The following ORC5 variants were observed in gnomAD, a reference collection of about 807,000 sequenced individuals.
The protein encoded by ORC5 is origin recognition complex subunit 5.
A neutral mutation model predicts 58.8 loss-of-function variants in ORC5; 39 were observed. That is an observed-to-expected ratio of 0.66 (90% CI 0.51 to 0.87). The LOEUF is 0.87. ORC5 is among the 40% of genes least tolerant of loss of function. The pLI, the probability that ORC5 is intolerant of heterozygous loss-of-function variation, is 0.00. For synonymous variants in ORC5, 218 were observed against 177.6 expected, an observed-to-expected ratio of 1.23 and a Z score of -1.81; for missense variants, 493 against 506.3, an observed-to-expected ratio of 0.97 and a Z score of 0.25.
chr7:104,132,491 C>T (rs939890716), intron 13 of ORC5, among the ~76,000 whole-genome samples: 1 of 152,092 alleles, frequency 6.6e-6, no homozygotes, highest in African/African-American at 2.4e-5. Context: ...GGTAACTATC[C>T]TTGGGACTTC....
chr7:104,187,715 T>C lies in ORC5; in HGVS notation c.684+536A>G, dbSNP rs1461701373. 6 of 939,756 alleles carry C rather than the reference T, an allele frequency of 6.4e-6. 1 individual carries two copies. In the African/African-American group the frequency reaches 8.9e-5, roughly 14 times the overall value. 58.2% of individuals were successfully genotyped at this position (939,756 alleles called of 1,614,324 possible). Reference sequence around the variant, plus strand: ...TATGAAATATAAACAGCTATTCTAATTGTTAAAAAAAAAAAATTAAAAAGA... The same window carrying C: ...TATGAAATATAAACAGCTATTCTAACTGTTAAAAAAAAAAAATTAAAAAGA... On this transcript the variant is annotated intron_variant, in intron 6 of 13. Coordinates refer to ENST00000297431, the MANE Select transcript of ORC5 (RefSeq NM_002553.4).
chr7:104,154,693 G>C (rs1371651701), intron 12 of ORC5, among the ~76,000 whole-genome samples: 1 of 150,592 alleles, frequency 6.6e-6, no homozygotes, highest in Non-Finnish European at 1.5e-5. Context: ...TTCCAACCAT[G>C]GAAAAAAAAT....
intron 8 of ORC5, among the ~76,000 whole-genome samples, chr7:104,181,777 G>A (rs1346396402): frequency 1.4e-5 from 2 of 144,018 alleles, no homozygotes; most frequent in African/African-American, 5.2e-5. Flanking sequence ...GGGCGACAGA[G>A]CGAGACTCCG....
chr7:104,151,415 G>C (rs1407411949), intron 12 of ORC5, among the ~76,000 whole-genome samples: 1 of 152,126 alleles, frequency 6.6e-6, no homozygotes, highest in Non-Finnish European at 1.5e-5. Context: ...TTGTATTTAG[G>C]AAAAATAGAC....
chr7:104,194,585 T>C (rs747338283), intron 5 of ORC5, among the ~76,000 whole-genome samples: 1 of 151,976 alleles, frequency 6.6e-6, no homozygotes, highest in Non-Finnish European at 1.5e-5. Context: ...GGGCTGGTAA[T>C]TGGTACTGTA....
Position 104,188,195 on chromosome 7 carries a change from T to TACACACACACACACAC in ORC5, c.684+40_684+55dup, listed in dbSNP as rs34643155. ...AAATACATATATACACATATATGTA[T>TACACACACACACACAC]ACACACACACACACACACACACATA... is the stretch of plus-strand genomic sequence containing the variant. On this transcript the variant is annotated intron_variant, in intron 6 of 13. Transcript: ENST00000297431. The TACACACACACACACAC allele has an allele frequency of 1.1e-4, 116 of 1,017,340 alleles. 1 individual carries two copies. The African/African-American group carries it at 1.9e-3, about 17-fold the overall frequency. The allele number at this position is 1,017,340 out of a possible 1,614,324, so 63.0% of individuals were successfully genotyped here. A position where few individuals can be genotyped will look rare whatever the true frequency, so the allele number is the denominator to read the frequency against.
intron 5 of ORC5, among the ~76,000 whole-genome samples, chr7:104,192,721 G>A (rs1799702909): frequency 6.6e-6 from 1 of 151,666 alleles, no homozygotes; most frequent in Non-Finnish European, 1.5e-5. Context: ...AACAAAAGAG[G>A]TAACTGAATT....
chr7:104,140,854 T>C (rs1478958711), intron 12 of ORC5, among the ~76,000 whole-genome samples: 1 of 152,216 alleles, frequency 6.6e-6, no homozygotes, highest in African/African-American at 2.4e-5. Flanking sequence ...TTTTGCCTTT[T>C]AGCCTGCAAA....
chr7:104,130,060 T>C (rs144282394), intron 13 of ORC5, among the ~76,000 whole-genome samples: 1 of 152,082 alleles, frequency 6.6e-6, no homozygotes, highest in Non-Finnish European at 1.5e-5. Context: ...GAGATTTTTT[T>C]AATTTTTTTT....
rs373090561 is a variant in ORC5, at chr7:104,154,159, C to T, written c.1149+6913G>A. ...CAGACTGTATATACTAGGCCATATA[C>T]AATATACTGATTACTTCTCCATAAC... is the stretch of plus-strand genomic sequence containing the variant. On this transcript the variant is annotated intron_variant, in intron 12 of 13. Transcript: ENST00000297431. Among the ~76,000 whole-genome samples, 19 of 152,128 alleles carry T rather than the reference C, an allele frequency of 1.2e-4. No individual in the cohort carries two copies. The East Asian group carries it at 2.9e-3, about 23-fold the overall frequency.
intron 8 of ORC5, among the ~76,000 whole-genome samples, chr7:104,179,179 G>C (rs988007216): frequency 6.7e-6 from 1 of 148,626 alleles, no homozygotes; most frequent in African/African-American, 2.5e-5. Flanking sequence ...GAACTCCCAT[G>C]CTCAAGCAAT....
At chr7:104,191,159 T>C (rs1196827473) in intron 5 of ORC5, among the ~76,000 whole-genome samples, 1 of 147,982 alleles carries the variant, frequency 6.8e-6, no homozygotes, top group African/African-American at 2.5e-5. Flanking sequence ...GTAGAGTCCA[T>C]GTACTTTTAC....
chr7:104,157,333 T>C (rs1798943082), intron 12 of ORC5, among the ~76,000 whole-genome samples: 1 of 152,044 alleles, frequency 6.6e-6, no homozygotes, highest in Non-Finnish European at 1.5e-5. Flanking sequence ...ACCCTTTGTA[T>C]ACCCAATGAG....
chr7:104,155,335 T>G (rs1271505639), intron 12 of ORC5, among the ~76,000 whole-genome samples: 4 of 151,696 alleles, frequency 2.6e-5, no homozygotes, highest in Admixed American at 1.3e-4. Flanking sequence ...CTAAATTTTT[T>G]ATTATGTACA....
rs780926860 is a variant in ORC5 at position 104,204,153 on chromosome 7, TCAA to T, written c.151_153del (p.Leu51del). On this transcript the variant is annotated inframe_deletion, in exon 2 of 14. Transcript: ENST00000297431. Reference sequence around the variant, plus strand: ...ATTTTTATTCTTACCTCTAAAGTTTTCAACAACGTTTGTGTTACATAGGTCTTT... The same window carrying T: ...ATTTTTATTCTTACCTCTAAAGTTTTCAACGTTTGTGTTACATAGGTCTTT... 7.1e-6 allele frequency: 11 copies of T among 1,559,728 alleles called. No homozygotes were observed. Among genetic ancestry groups the T allele is most frequent in the South Asian group, 1.2e-5 (1 of 83,052 alleles).
intron 13 of ORC5, among the ~76,000 whole-genome samples, chr7:104,127,271 A>C (rs1366804521): frequency 6.6e-6 from 1 of 152,210 alleles, no homozygotes; most frequent in Non-Finnish European, 1.5e-5. Flanking sequence ...TTGCTTCTGA[A>C]CATTGTTTAT....
At chr7:104,159,157 A>C (rs1798980796) in intron 12 of ORC5, among the ~76,000 whole-genome samples, 1 of 150,916 alleles carries the variant, frequency 6.6e-6, no homozygotes, top group Non-Finnish European at 1.5e-5. Context: ...ATAAAAAATG[A>C]TGAGTTCATG....
At chr7:104,148,426 T>C (rs1236416969) in intron 12 of ORC5, among the ~76,000 whole-genome samples, 1 of 152,040 alleles carries the variant, frequency 6.6e-6, no homozygotes, top group Non-Finnish European at 1.5e-5. Context: ...ATTAGTATGC[T>C]GGAAAAGTAA....
At chr7:104,170,009 G>A (rs1296549815) in intron 8 of ORC5, among the ~76,000 whole-genome samples, 1 of 152,122 alleles carries the variant, frequency 6.6e-6, no homozygotes, top group Non-Finnish European at 1.5e-5. Flanking sequence ...CTTATGAGTA[G>A]TGTTCTCTGA....
Sources: gnomAD v4.1 joint callset for allele counts (sites outside exome capture counted in the v4.1 genomes callset) on GRCh38, gnomAD v4.1.1 for gene constraint, MANE v1.5 for transcripts, NCBI Gene and HGNC (gene_info 2026-07-23, HGNC 2026-07-21) for gene names.